Variants in IRAG1 observed in about 807,000 individuals in gnomAD.
The protein encoded by IRAG1 is IP3R-associated cGMP kinase substrate.
In IRAG1, 62 loss-of-function variants were observed where a neutral mutation model predicts 106.2. The observed-to-expected ratio is 0.58, with a 90% CI of 0.48 to 0.72. The LOEUF (loss-of-function observed/expected upper bound fraction) is 0.72, where lower values mean the gene tolerates loss of function less well. Ranked by LOEUF, IRAG1 falls within the 30% of genes least tolerant of loss-of-function variation. The pLI is 0.00. For synonymous variants in IRAG1, 462 were observed against 443.9 expected (o/e 1.04, Z -0.51); for missense variants, 1,064 against 1,140.7 (o/e 0.93, Z 0.97).
chr11:10,602,207 G>A (rs1006100862), intron 14 of IRAG1, among the ~76,000 whole-genome samples: 30 of 152,234 alleles, frequency 2.0e-4, no homozygotes, highest in African/African-American at 6.8e-4. Context: ...ATGGCCCAGC[G>A]ACAGGTCTTT....
chr11:10,602,354 C>G (rs534536373), intron 14 of IRAG1, among the ~76,000 whole-genome samples: 3 of 152,284 alleles, frequency 2.0e-5, no homozygotes, highest in African/African-American at 7.2e-5. Flanking sequence ...CGGCAGCAAC[C>G]CTCTATGGCA....
intron 2 of IRAG1, among the ~76,000 whole-genome samples, chr11:10,638,363 T>C (rs1857285352): frequency 6.6e-6 from 1 of 152,208 alleles, no homozygotes; most frequent in African/African-American, 2.4e-5. Context: ...TGGCCCCAAA[T>C]GCATCTGAGT....
intron 1 of IRAG1, among the ~76,000 whole-genome samples, chr11:10,683,472 T>C (rs1049569731): frequency 2.6e-5 from 4 of 152,064 alleles, no homozygotes; most frequent in African/African-American, 9.7e-5. Context: ...AATATAATAA[T>C]TCAGGAAGTA....
In IRAG1 at chr11:10,581,918, T is replaced by G. The variant is rs1564888591; in HGVS notation, c.2309A>C (p.Glu770Ala). ...APALTLSCLE[E>A]LSQETKARME... ...CCTGGCCTTGGTCTCCTGACTAAGC[T>G]CCTCCAGGCAGCTCAGGGTCAGCGC... Residue 770 changes from glutamate to alanine, a missense_variant, in exon 19 of 21, where the codon GAG becomes GCG. Coordinates refer to ENST00000423302, the MANE Select transcript of IRAG1 (RefSeq NM_130385.4). 1 of 1,613,858 alleles carries G rather than the reference T, an allele frequency of 6.2e-7. No individual in the cohort carries two copies.
At chr11:10,613,126 G>A (rs1226043871) in intron 10 of IRAG1, among the ~76,000 whole-genome samples, 1 of 152,132 alleles carries the variant, frequency 6.6e-6, no homozygotes, top group Non-Finnish European at 1.5e-5. Context: ...CTCCGAAGCA[G>A]TGAACAAAAC....
rs551914077 is a variant in IRAG1, at chr11:10,657,870, G to T, written c.68-5688C>A. On this transcript the variant is annotated intron_variant, in intron 1 of 20. Transcript: ENST00000423302. This position sits in a 1 kb window ranked among gnomAD's most constrained non-coding sequence, Gnocchi z 4.1. ...CCAATGGGGAACCGAGGCCCAGAGG[G>T]GCAGGCATGTGACCAAGGCCACATC... Among the ~76,000 whole-genome samples, 1 of 152,286 alleles carries T rather than the reference G, an allele frequency of 6.6e-6. No homozygotes were observed. Among genetic ancestry groups the T allele is most frequent in the East Asian group, 1.9e-4 (1 of 5,180 alleles).
intron 18 of IRAG1, among the ~76,000 whole-genome samples, chr11:10,587,059 T>C (rs553890317): frequency 1.3e-5 from 2 of 152,292 alleles, no homozygotes; most frequent in East Asian, 3.9e-4. Context: ...ACCCTAGGGA[T>C]TTCTGGCCCG....
intron 2 of IRAG1, among the ~76,000 whole-genome samples, chr11:10,646,320 C>CA (rs1857938909): frequency 6.6e-6 from 1 of 152,340 alleles, no homozygotes; most frequent in African/African-American, 2.4e-5. Context: ...GAGAGTAACT[C>CA]AGCTAGTCAT....
At chr11:10,689,163 C>A (rs767235232) in intron 1 of IRAG1, among the ~76,000 whole-genome samples, 8 of 151,824 alleles carry the variant, frequency 5.3e-5, no homozygotes, top group African/African-American at 1.9e-4. Flanking sequence ...AAAATGAAAA[C>A]GGTTATTAAA....
chr11:10,596,294 G>T (rs1237244816), intron 15 of IRAG1, among the ~76,000 whole-genome samples: 1 of 152,082 alleles, frequency 6.6e-6, no homozygotes, highest in Non-Finnish European at 1.5e-5. Flanking sequence ...AATCTTGCAT[G>T]GTATCTTAGC....
chr11:10,634,597 G>A (rs1324571267), intron 2 of IRAG1, among the ~76,000 whole-genome samples: 3 of 152,158 alleles, frequency 2.0e-5, no homozygotes, highest in Non-Finnish European at 2.9e-5. Context: ...CTCTGTTTCT[G>A]CAAGTTTGAC....
At chr11:10,611,897 G>A (rs546456721) in intron 10 of IRAG1, among the ~76,000 whole-genome samples, 29 of 152,288 alleles carry the variant, frequency 1.9e-4, no homozygotes, top group East Asian at 7.7e-4. Flanking sequence ...CCAGCATTTC[G>A]AAGAGAGAAA....
rs1856152639 is a variant in IRAG1 at position 10,625,275 on chromosome 11, A to G, written c.1368+691T>C. Among the ~76,000 whole-genome samples the G allele has an allele frequency of 6.6e-5, 10 of 152,114 alleles. No homozygotes were observed. In the South Asian group the frequency reaches 2.1e-3, roughly 32 times the overall value. ...CTGTGGAATCCAGGTGCCTTGGTTTATATTCCAAGTGGGCCTTCTGGAGGA... is the reference window on the plus strand; with the variant it reads ...CTGTGGAATCCAGGTGCCTTGGTTTGTATTCCAAGTGGGCCTTCTGGAGGA... On this transcript the variant is annotated intron_variant, in intron 9 of 20. Transcript: ENST00000423302.
At chr11:10,634,134 G>T in intron 2 of IRAG1, 63 bp from the exon 3 acceptor site, 2 of 989,018 alleles carry the variant, frequency 2.0e-6, no homozygotes, top group Non-Finnish European at 3.1e-6. Flanking sequence ...AGGGACAGGA[G>T]CCAGAGCATT....
chr11:10,646,736 C>T (rs901619603), intron 2 of IRAG1, among the ~76,000 whole-genome samples: 2 of 152,172 alleles, frequency 1.3e-5, no homozygotes, highest in African/African-American at 4.8e-5. Context: ...CCATGTCTGC[C>T]TAGAGCATCA....
At chr11:10,636,353 T>C (rs1032842846) in intron 2 of IRAG1, among the ~76,000 whole-genome samples, 3 of 152,194 alleles carry the variant, frequency 2.0e-5, no homozygotes, top group African/African-American at 7.2e-5. Flanking sequence ...TTAAAAATTT[T>C]TTTTTTAGAG....
At chr11:10,651,899 G>C in intron 2 of IRAG1, 126 bp downstream of exon 2, 1 of 1,140,740 alleles carries the variant, frequency 8.8e-7, no homozygotes, top group Non-Finnish European at 1.2e-6. Context: ...CCTTCTCCAG[G>C]TACCCACTGC....
chr11:10,621,466 C>T (rs1183315271), intron 10 of IRAG1, among the ~76,000 whole-genome samples: 5 of 152,218 alleles, frequency 3.3e-5, no homozygotes, highest in Non-Finnish European at 5.9e-5. Context: ...CTTGGGCCCA[C>T]AGTCTCAGAA....
chr11:10,621,355 A>G (rs1855821886), intron 10 of IRAG1, among the ~76,000 whole-genome samples: 1 of 152,204 alleles, frequency 6.6e-6, no homozygotes, highest in Non-Finnish European at 1.5e-5. Flanking sequence ...CATTCACCCA[A>G]GAATCCATAG....
Sources: allele counts gnomAD v4.1 joint callset (sites outside exome capture counted in the v4.1 genomes callset), GRCh38; gene constraint gnomAD v4.1.1; non-coding constraint Gnocchi (gnomAD v3.1); transcripts MANE v1.5; gene names NCBI Gene and HGNC (gene_info 2026-07-23, HGNC 2026-07-21).